Variants in LAMA2 observed in about 807,000 individuals in gnomAD.
LAMA2 encodes laminin subunit alpha 2, also known as laminin subunit alpha-2.
Under a neutral mutation model 364.8 loss-of-function variants are expected in LAMA2, and 269 were observed. That is an observed-to-expected ratio of 0.74 (90% CI 0.67 to 0.82). The LOEUF (loss-of-function observed/expected upper bound fraction) is 0.82. Among genes scored for constraint, LAMA2 ranks in the 40% least tolerant of loss-of-function variants. The probability of loss-of-function intolerance (pLI) is 0.00; values close to 1 mark genes in which losing one functional copy is unlikely to be tolerated. For missense variants in LAMA2, 3,807 were observed against 3,873.2 expected (o/e 0.98, Z 0.45); for synonymous variants, 1,379 against 1,370.6 (o/e 1.01, Z -0.14).
At chr6:129,250,566 G>A (rs1353184222) in intron 13 of LAMA2, among the ~76,000 whole-genome samples, 1 of 151,884 alleles carries the variant, frequency 6.6e-6, no homozygotes, top group Non-Finnish European at 1.5e-5. Flanking sequence ...AGATTTTATT[G>A]TCTACTCCCT....
chr6:129,236,691 GT>G (rs1785002387), intron 12 of LAMA2, among the ~76,000 whole-genome samples: 1 of 151,930 alleles, frequency 6.6e-6, no homozygotes, highest in African/African-American at 2.4e-5. Flanking sequence ...ATTCTTCCAT[GT>G]TTTAATAGAT....
intron 12 of LAMA2, among the ~76,000 whole-genome samples, chr6:129,245,350 A>G (rs1785680103): frequency 6.6e-6 from 1 of 152,172 alleles, no homozygotes; most frequent in Non-Finnish European, 1.5e-5. Flanking sequence ...GGAAAACCAT[A>G]TTTCTCTAGC....
chr6:129,427,701 C>T, intron 40 of LAMA2, 51 bp from the exon 41 acceptor site: 1 of 1,348,170 alleles, frequency 7.4e-7, no homozygotes. Context: ...GATCCCTCCA[C>T]TCCATTATTC....
chr6:129,066,037 G>GGTAT lies in LAMA2; in HGVS notation c.396+6143_396+6144insATGT, dbSNP rs1311782645. On this transcript the variant is annotated intron_variant, in intron 3 of 64. Transcript: ENST00000421865. ...TTCTTTTGTAAATTGCCCAGTCTCA[G>GGTAT]GTTTTTTTTTTTTTTTTTTTTTTTT... 1.3e-4 allele frequency among the ~76,000 whole-genome samples: 2 copies of GGTAT among 14,964 alleles called. 1 individual carries two copies. The highest frequency in any genetic ancestry group is 3.7e-4 in the Non-Finnish European group (2 of 5,442). The allele number at this position is 14,964 out of a possible 152,430, so 9.8% of individuals were successfully genotyped here.
chr6:129,074,046 G>A (rs1773481483), intron 3 of LAMA2, among the ~76,000 whole-genome samples: 1 of 152,190 alleles, frequency 6.6e-6, no homozygotes, highest in African/African-American at 2.4e-5. Context: ...AGCTTAGTTA[G>A]AGATTCTGAT....
intron 64 of LAMA2, among the ~76,000 whole-genome samples, 154 bp from the exon 65 acceptor site, chr6:129,516,036 A>ACAATT (rs2114946806): frequency 1.4e-5 from 2 of 146,966 alleles, no homozygotes; most frequent in East Asian, 4.0e-4. Flanking sequence ...TTCTTTCTCT[A>ACAATT]CAATTCTATT....
chr6:129,399,585 C>T (rs1289979207), intron 37 of LAMA2, among the ~76,000 whole-genome samples: 2 of 152,166 alleles, frequency 1.3e-5, no homozygotes, highest in African/African-American at 4.8e-5. Flanking sequence ...AGCTTTTAAT[C>T]ACTGTGCCCT....
At chr6:128,928,301 G>A (rs1779224753) in intron 1 of LAMA2, among the ~76,000 whole-genome samples, 1 of 152,220 alleles carries the variant, frequency 6.6e-6, no homozygotes, top group Non-Finnish European at 1.5e-5. Context: ...AATCAAACAT[G>A]TTTAATTAGG....
In LAMA2 at chr6:129,270,659, T is replaced by A. The variant is rs766979256; in HGVS notation, c.2358T>A (p.Asp786Glu). The part of the protein sequence containing the change: ...CKDHTGGPYC[D>E]KCLPGFYGEP... ...ATCACACAGGTGGCCCATATTGTGA[T>A]AAATGTCTTCCTGGTTTCTATGGCG... Residue 786 changes from aspartate (D) to glutamate (E), a missense_variant, in exon 17 of 65, where the codon GAT becomes GAA. This residue lies in a region of LAMA2 where 3,333 missense variants were observed against 3,345.7 expected (regional missense o/e 1.00). Coordinates refer to ENST00000421865, the MANE Select transcript of LAMA2 (RefSeq NM_000426.4). 8.7e-6 allele frequency: 14 copies of A among 1,613,018 alleles called. No homozygotes were observed. The highest frequency in any genetic ancestry group is 1.3e-5 in the African/African-American group (1 of 74,860).
At chr6:128,967,871 C>T (rs1781942535) in intron 1 of LAMA2, among the ~76,000 whole-genome samples, 1 of 152,016 alleles carries the variant, frequency 6.6e-6, no homozygotes, top group Non-Finnish European at 1.5e-5. Flanking sequence ...TCTATTACAC[C>T]TCAGATTATT....
intron 12 of LAMA2, among the ~76,000 whole-genome samples, chr6:129,213,350 G>A (rs372608): frequency 0.057 from 8,682 of 152,228 alleles, 819 homozygotes; most frequent in African/African-American, 0.2. Flanking sequence ...TATGTGATAA[G>A]TCTTGTGTGG....
At chr6:129,180,965 C>A (rs1374736226) in intron 10 of LAMA2, among the ~76,000 whole-genome samples, 1 of 151,992 alleles carries the variant, frequency 6.6e-6, no homozygotes, top group Admixed American at 6.6e-5. Flanking sequence ...CTCCCTGAAG[C>A]AGGGACACTA....
At chr6:129,257,729 T>G (rs1484126560) in intron 14 of LAMA2, among the ~76,000 whole-genome samples, 1 of 152,102 alleles carries the variant, frequency 6.6e-6, no homozygotes, top group Non-Finnish European at 1.5e-5. Context: ...GACAGTCCAT[T>G]AATTCCAGGC....
At chr6:129,248,931 T>C (rs1043938710) in intron 12 of LAMA2, among the ~76,000 whole-genome samples, 2 of 152,200 alleles carry the variant, frequency 1.3e-5, no homozygotes, top group African/African-American at 4.8e-5. Flanking sequence ...TGAAAAGACA[T>C]TCGAATAAGG....
chr6:128,981,614 G>T (rs907924668), intron 1 of LAMA2, among the ~76,000 whole-genome samples: 2 of 151,396 alleles, frequency 1.3e-5, no homozygotes, highest in African/African-American at 4.9e-5. Context: ...TGCTGGGCTT[G>T]GTGGTTGAGC....
intron 45 of LAMA2, among the ~76,000 whole-genome samples, chr6:129,452,164 G>A (rs942419550): frequency 6.6e-5 from 10 of 152,154 alleles, no homozygotes; most frequent in Non-Finnish European, 1.2e-4. Context: ...CTTTGATGGT[G>A]ATTTTCCATC....
In LAMA2 at chr6:129,069,066, A is replaced by G. The variant is rs532964732; in HGVS notation, c.396+9170A>G. 2.0e-5 allele frequency among the ~76,000 whole-genome samples: 3 copies of G among 152,300 alleles called. No individual in the cohort carries two copies. The East Asian group carries it at 5.8e-4, about 29-fold the overall frequency. ...AATAGAGTCAAGATGACTGCCCTAG[A>G]AAATGCTTCTTGAAGTCATGGAATA... On this transcript the variant is annotated intron_variant, in intron 3 of 64. Transcript: ENST00000421865.
chr6:128,936,114 G>A (rs1003746018), intron 1 of LAMA2, among the ~76,000 whole-genome samples: 1 of 152,212 alleles, frequency 6.6e-6, no homozygotes, highest in African/African-American at 2.4e-5. Context: ...TTGGCCTTCT[G>A]CCACGGTTGT....
intron 12 of LAMA2, among the ~76,000 whole-genome samples, chr6:129,225,204 T>A (rs1012799808): frequency 3.3e-5 from 5 of 152,156 alleles, no homozygotes; most frequent in African/African-American, 1.2e-4. Flanking sequence ...TTTTATTGCA[T>A]CTATTTGATT....
Sources: gnomAD v4.1 joint callset for allele counts (sites outside exome capture counted in the v4.1 genomes callset) on GRCh38, gnomAD v4.1.1 for gene constraint, gnomAD v4.1.1 regional missense constraint, MANE v1.5 for transcripts, NCBI Gene and HGNC (gene_info 2026-07-23, HGNC 2026-07-21) for gene names.